The following PXDNL variants were observed in gnomAD, a reference collection of about 807,000 sequenced individuals.
PXDNL encodes probable oxidoreductase PXDNL.
PXDNL carries 145 observed loss-of-function variants against 150.8 expected under a neutral mutation model. The ratio of observed to expected loss-of-function variants is 0.96; its 90% CI spans 0.84 to 1.10. The LOEUF (loss-of-function observed/expected upper bound fraction) is 1.10. Among genes scored for constraint, PXDNL ranks in the 50% least tolerant of loss-of-function variants. The probability of loss-of-function intolerance (pLI) is 0.00; values close to 1 mark genes in which losing one functional copy is unlikely to be tolerated. For missense variants in PXDNL, 2,087 were observed against 1,873.9 expected, an observed-to-expected ratio of 1.11 and a Z score of -2.10; for synonymous variants, 757 against 725.7, an observed-to-expected ratio of 1.04 and a Z score of -0.69.
intron 17 of PXDNL, among the ~76,000 whole-genome samples, chr8:51,387,395 G>A (rs1454142630): frequency 6.6e-6 from 1 of 152,140 alleles, no homozygotes; most frequent in Non-Finnish European, 1.5e-5. Context: ...TGTATGCCAG[G>A]TCCCATCAAG....
rs1563433609 is a variant in PXDNL at position 51,486,786 on chromosome 8, A to T, written c.453-3072T>A. Among the ~76,000 whole-genome samples, 119 of 23,564 alleles carry T rather than the reference A, an allele frequency of 5.1e-3. 6 individuals carry two copies. The highest frequency in any genetic ancestry group is 0.018 in the African/African-American group (112 of 6,156). 15.5% of individuals were successfully genotyped at this position (23,564 alleles called of 152,430 possible). On this transcript the variant is annotated intron_variant, in intron 5 of 22. Coordinates refer to ENST00000356297, the MANE Select transcript of PXDNL (RefSeq NM_144651.5). ...TATATATATATATATATATATATAT[A>T]TATATATATTTTTTTTTTTTTTTTT... is the stretch of plus-strand genomic sequence containing the variant.
intron 17 of PXDNL, among the ~76,000 whole-genome samples, chr8:51,398,217 C>T (rs541778808): frequency 5.3e-5 from 8 of 152,210 alleles, no homozygotes; most frequent in Non-Finnish European, 7.3e-5. Context: ...GGAGAAATCT[C>T]GCCCACACTG....
intron 1 of PXDNL, among the ~76,000 whole-genome samples, chr8:51,707,140 C>T (rs1816397391): frequency 6.6e-6 from 1 of 152,158 alleles, no homozygotes; most frequent in African/African-American, 2.4e-5. Flanking sequence ...TCTAGTAGAA[C>T]TGAGCATCTC....
intron 10 of PXDNL, among the ~76,000 whole-genome samples, chr8:51,452,935 A>AACACATACACACACAC (rs60146365): frequency 0.051 from 7,265 of 142,542 alleles, 209 homozygotes; most frequent in African/African-American, 0.056. Context: ...CACACACACA[A>AACACATACACACACAC]ACACACACAC....
At chr8:51,760,467 G>A (rs995751715) in intron 1 of PXDNL, among the ~76,000 whole-genome samples, 1 of 152,176 alleles carries the variant, frequency 6.6e-6, no homozygotes, top group Non-Finnish European at 1.5e-5. Context: ...TTGTCAGAGT[G>A]TGAGACAAAC....
chr8:51,625,865 C>A (rs2130744145), intron 2 of PXDNL, among the ~76,000 whole-genome samples: 1 of 152,256 alleles, frequency 6.6e-6, no homozygotes, highest in South Asian at 2.1e-4. Context: ...CTTTCCTCTT[C>A]TTCATAATCA....
chr8:51,784,252 A>G (rs1419109183), intron 1 of PXDNL, among the ~76,000 whole-genome samples: 1 of 152,246 alleles, frequency 6.6e-6, no homozygotes, highest in Non-Finnish European at 1.5e-5. Context: ...CATCACTTTT[A>G]TATTTGTTAA....
intron 1 of PXDNL, among the ~76,000 whole-genome samples, chr8:51,684,698 GAA>G (rs1203148329): frequency 2.0e-5 from 3 of 152,170 alleles, no homozygotes; most frequent in South Asian, 4.1e-4. Context: ...GAGGTCAGAG[GAA>G]AAGTCAGTGA....
In PXDNL at chr8:51,744,115, A is replaced by AGG. The variant is rs1385002034; in HGVS notation, c.164+65065_164+65066insCC. Among the ~76,000 whole-genome samples the AGG allele has an allele frequency of 1.2e-3, 130 of 112,426 alleles. 10 individuals are homozygous for AGG. Among genetic ancestry groups the AGG allele is most frequent in the Middle Eastern group, 0.01 (2 of 200 alleles). The allele number at this position is 112,426 out of a possible 152,430, so 73.8% of individuals were successfully genotyped here. On this transcript the variant is annotated intron_variant, in intron 1 of 22. Transcript: ENST00000356297. ...GAAGGAAAGAAAGAAAGAAAGAAAG[A>AGG]AAGAAAGGAAGAAAGAGAAAGGAAG...
intron 1 of PXDNL, among the ~76,000 whole-genome samples, chr8:51,751,579 T>G (rs2037045805): frequency 6.6e-6 from 1 of 152,184 alleles, no homozygotes; most frequent in Admixed American, 6.5e-5. Context: ...TCGAAAGGTC[T>G]CAGCAGAAAA....
At chr8:51,364,404 CAGA>C (rs1806851160) in intron 19 of PXDNL, among the ~76,000 whole-genome samples, 1 of 152,186 alleles carries the variant, frequency 6.6e-6, no homozygotes, top group Non-Finnish European at 1.5e-5. Flanking sequence ...AATTTCTCCC[CAGA>C]AGAAGATAAC....
chr8:51,532,026 G>A (rs576609241), intron 4 of PXDNL, among the ~76,000 whole-genome samples: 27 of 152,136 alleles, frequency 1.8e-4, no homozygotes. Context: ...GCAAATCGTT[G>A]TGATGGCTTC....
intron 1 of PXDNL, among the ~76,000 whole-genome samples, chr8:51,670,432 T>C (rs1035303612): frequency 1.3e-5 from 2 of 152,168 alleles, no homozygotes; most frequent in Non-Finnish European, 2.9e-5. Flanking sequence ...ACAAACTATA[T>C]AGTGTATAGG....
intron 2 of PXDNL, among the ~76,000 whole-genome samples, chr8:51,639,147 A>T (rs1327992715): frequency 6.6e-6 from 1 of 152,206 alleles, no homozygotes; most frequent in Admixed American, 6.5e-5. Flanking sequence ...TGTTCTTTGA[A>T]ACCAAGGAGA....
intron 1 of PXDNL, among the ~76,000 whole-genome samples, chr8:51,686,684 T>C (rs907309926): frequency 1.3e-5 from 2 of 152,174 alleles, no homozygotes; most frequent in African/African-American, 4.8e-5. Context: ...TCCAAATAGA[T>C]AAGAAGTTAA....
chr8:51,440,449 AAAT>A (rs61250893), intron 12 of PXDNL, among the ~76,000 whole-genome samples: 145,850 of 150,814 alleles, frequency 0.97, 70,752 homozygotes, highest in East Asian at 1. Context: ...ATCCATTGAA[AAAT>A]AATAATAATA....
intron 17 of PXDNL, among the ~76,000 whole-genome samples, chr8:51,400,734 TG>T (rs1368513785): frequency 6.6e-6 from 1 of 152,218 alleles, no homozygotes; most frequent in Admixed American, 6.5e-5. Flanking sequence ...TTTTTGAAAT[TG>T]GGGTTAAGGT....
intron 1 of PXDNL, among the ~76,000 whole-genome samples, chr8:51,764,127 T>C (rs1339517338): frequency 6.6e-6 from 1 of 152,214 alleles, no homozygotes; most frequent in Non-Finnish European, 1.5e-5. Context: ...CTTTTATTTC[T>C]ATAATTTCAG....
chr8:51,577,033 C>T (rs1381023000), intron 3 of PXDNL, among the ~76,000 whole-genome samples: 1 of 151,852 alleles, frequency 6.6e-6, no homozygotes, highest in Non-Finnish European at 1.5e-5. Flanking sequence ...AATCTCCAGG[C>T]TCATGTTGTG....
Sources: gnomAD v4.1 joint callset for allele counts (sites outside exome capture counted in the v4.1 genomes callset) on GRCh38, gnomAD v4.1.1 for gene constraint, MANE v1.5 for transcripts, NCBI Gene and HGNC (gene_info 2026-07-23, HGNC 2026-07-21) for gene names.